ZNF653: variants seen among roughly 807,000 people sequenced by gnomAD.
ZNF653 encodes zinc finger protein 653, also known as 67 kDa zinc finger protein.
A neutral mutation model predicts 59.9 loss-of-function variants in ZNF653; 37 were observed. The ratio of observed to expected loss-of-function variants is 0.62; its 90% CI spans 0.48 to 0.81. The LOEUF is 0.81. ZNF653 is among the 40% of genes least tolerant of loss of function. The probability of loss-of-function intolerance (pLI) is 0.00; values close to 1 mark genes in which losing one functional copy is unlikely to be tolerated. For synonymous variants in ZNF653, 435 were observed against 371.8 expected (o/e 1.17, Z -1.96); for missense variants, 808 against 881.1 (o/e 0.92, Z 1.05).
chr19:11,505,371 C>A, intron 1 of ZNF653, 117 bp downstream of exon 1: 1 of 1,136,370 alleles, frequency 8.8e-7, no homozygotes, highest in Non-Finnish European at 1.2e-6. Flanking sequence ...CGGCCCGGCT[C>A]CTGGGCGGGG....
rs1463222572 is a variant in ZNF653, at chr19:11,505,420, G to A, written c.299+68C>T. The A allele has an allele frequency of 5.2e-6, 7 of 1,344,842 alleles. No homozygotes were observed. The East Asian group carries it at 2.2e-4, about 42-fold the overall frequency. The allele number at this position is 1,344,842 out of a possible 1,614,324, so 83.3% of individuals were successfully genotyped here. ...GGGGCTGGCCCTAGAAGCGGAGGGGGCGGGGTAAAGCCCGGCGGGGTCTGG... is the reference window on the plus strand; with the variant it reads ...GGGGCTGGCCCTAGAAGCGGAGGGGACGGGGTAAAGCCCGGCGGGGTCTGG... On this transcript the variant is annotated intron_variant, in intron 1 of 8. Transcript: ENST00000293771.
rs1971577778 is a variant in ZNF653 at position 11,495,576 on chromosome 19, A to C, written c.559+374T>G. ...GGAGAGCATCACAGCCTATGAAGCCATAAGGCCTGGGTGGTTTAGGCGGCC... is the reference window on the plus strand; with the variant it reads ...GGAGAGCATCACAGCCTATGAAGCCCTAAGGCCTGGGTGGTTTAGGCGGCC... On this transcript the variant is annotated intron_variant, in intron 3 of 8. Coordinates refer to ENST00000293771, the MANE Select transcript of ZNF653 (RefSeq NM_138783.4). The surrounding 1 kb of genome is among the most constrained non-coding windows in gnomAD (Gnocchi z 4.9). 6.6e-6 allele frequency: 2 copies of C among 303,058 alleles called. No homozygotes were observed. Among genetic ancestry groups the C allele is most frequent in the South Asian group, 6.5e-5 (2 of 30,926 alleles). 18.8% of individuals were successfully genotyped at this position (303,058 alleles called of 1,614,324 possible).
Position 11,484,117 on chromosome 19 carries a change from G to T in ZNF653, c.1595C>A (p.Thr532Asn), listed in dbSNP as rs1287720537. Residue 532 changes from threonine (T) to asparagine (N), a missense_variant, in exon 8 of 9, where the codon ACC becomes AAC. Thr to Asn is a moderately conservative substitution (Grantham distance 65). Transcript: ENST00000293771. Reference protein sequence around the residue: ...HSGVREFTCETCGKSFKRKNH... With the variant: ...HSGVREFTCENCGKSFKRKNH... ...CTTCCTCTTGAAGGACTTGCCGCAGGTCTCGCAGGTGAATTCACGGACACC... is the reference window on the plus strand; with the variant it reads ...CTTCCTCTTGAAGGACTTGCCGCAGTTCTCGCAGGTGAATTCACGGACACC... 1 of 1,555,040 alleles carries T rather than the reference G, an allele frequency of 6.4e-7. No homozygotes were observed. The highest frequency in any genetic ancestry group is 8.7e-7 in the Non-Finnish European group (1 of 1,149,054).
chr19:11,483,997 C>T, intron 8 of ZNF653, 45 bp downstream of exon 8: 1 of 1,541,726 alleles, frequency 6.5e-7, no homozygotes, highest in Non-Finnish European at 8.8e-7. Context: ...GCTGGGATCC[C>T]CTCCCACCCA....
At position 11,485,580 on chromosome 19, in the gene ZNF653, G is replaced by A. The variant is rs569264122; in HGVS notation, c.1570+76C>T. The A allele has an allele frequency of 3.1e-5, 39 of 1,246,128 alleles. No homozygotes were observed. The African/African-American group carries it at 4.0e-4, about 13-fold the overall frequency. 77.2% of individuals were successfully genotyped at this position (1,246,128 alleles called of 1,614,324 possible). A position where few individuals can be genotyped will look rare whatever the true frequency, so the allele number is the denominator to read the frequency against. On this transcript the variant is annotated intron_variant, in intron 7 of 8. Transcript: ENST00000293771. The stretch of plus-strand genomic sequence containing the variant: ...GAGACCCAGCACTGGGCTTTGACCC[G>A]CCAGCTCTGGCCCAGGCTCCCAGGC...
chr19:11,500,951 T>C (rs966660561), intron 1 of ZNF653: 7 of 152,536 alleles, frequency 4.6e-5, no homozygotes, highest in Admixed American at 3.3e-4. Context: ...TTCCCTCTCC[T>C]GTCCACTTCT....
In ZNF653 at chr19:11,496,008, G is replaced by C; in HGVS notation, c.501C>G (p.Phe167Leu). The change falls in exon 3 of 9, where the codon TTC becomes TTG. Residue 167 changes from phenylalanine (F) to leucine (L), a missense_variant. By Grantham distance (22) the Phe-to-Leu change is conservative. Transcript: ENST00000293771. ...VWQCEAGHRY[F>L]QDLHSPLKPL... ...GCTTCAGGGGCGAATGCAGGTCCTG[G>C]AAGTAGCGGTGGCCAGCTTCGCACT... The C allele has an allele frequency of 6.2e-7, 1 of 1,614,182 alleles. No individual in the cohort carries two copies. The highest frequency in any genetic ancestry group is 2.2e-5 in the East Asian group (1 of 44,890).
At chr19:11,489,749 C>G (rs1251019487) in intron 3 of ZNF653, among the ~76,000 whole-genome samples, 1 of 152,158 alleles carries the variant, frequency 6.6e-6, no homozygotes, top group Non-Finnish European at 1.5e-5. Flanking sequence ...GATGACTGAC[C>G]CAGCTGACCA....
In ZNF653 at chr19:11,486,752, C is replaced by T. The variant is rs758068139; in HGVS notation, c.1455+17G>A. 12 of 1,586,622 alleles carry T rather than the reference C, an allele frequency of 7.6e-6. No homozygotes were observed. Among genetic ancestry groups the T allele is most frequent in the Non-Finnish European group, 1.0e-5 (12 of 1,166,226 alleles). ...CCTTGTGGGCCTGGCCCAGGCTGCT[C>T]CGGGTGGCGGCCTCACCTGGAAGCT... is the stretch of plus-strand genomic sequence containing the variant. On this transcript the variant is annotated intron_variant, in intron 6 of 8. Coordinates refer to ENST00000293771, the MANE Select transcript of ZNF653 (RefSeq NM_138783.4).
chr19:11,491,999 TC>T (rs1283872722), intron 3 of ZNF653, among the ~76,000 whole-genome samples: 2 of 152,258 alleles, frequency 1.3e-5, no homozygotes, highest in East Asian at 3.9e-4. Flanking sequence ...AGTTCCTTTT[TC>T]CCTCCTTTAT....
chr19:11,504,010 T>G (rs1193222505), intron 1 of ZNF653, among the ~76,000 whole-genome samples: 1 of 151,336 alleles, frequency 6.6e-6, no homozygotes, highest in Non-Finnish European at 1.5e-5. Flanking sequence ...GAGGCGGAGG[T>G]AAGAGGATCA....
intron 3 of ZNF653, among the ~76,000 whole-genome samples, chr19:11,490,429 T>C (rs1208397531): frequency 6.6e-6 from 1 of 152,142 alleles, no homozygotes; most frequent in Non-Finnish European, 1.5e-5. Flanking sequence ...CTCTGTTGTG[T>C]AAGCTGTAGT....
At chr19:11,491,661 C>T (rs894684011) in intron 3 of ZNF653, among the ~76,000 whole-genome samples, 8 of 151,980 alleles carry the variant, frequency 5.3e-5, no homozygotes, top group African/African-American at 1.7e-4. Context: ...GATCTTGGCT[C>T]ACTGCAAGCT....
intron 3 of ZNF653, among the ~76,000 whole-genome samples, chr19:11,491,866 C>T (rs1420870742): frequency 3.3e-5 from 5 of 151,902 alleles, no homozygotes; most frequent in Admixed American, 2.6e-4. Context: ...CGTGAGCCAC[C>T]GCACCCGGCC....
intron 3 of ZNF653, 99 bp from the exon 4 acceptor site, chr19:11,488,002 T>TTTATTTATTTATTTA: frequency 1.1e-6 from 1 of 921,060 alleles, no homozygotes; most frequent in East Asian, 3.8e-5. Context: ...TTATTTATTT[T>TTTATTTATTTATTTA]TTTGAGACAG....
At position 11,485,818 on chromosome 19, in the gene ZNF653, GC is replaced by G. The variant is rs773418896; in HGVS notation, c.1456-49del. ...TGGGTCCCATAGGCCCACAGAAGGG[GC>G]TCTGGGAGGTGGGGAGAGATGAGGG... On this transcript the variant is annotated intron_variant, in intron 6 of 8. Coordinates refer to ENST00000293771, the MANE Select transcript of ZNF653 (RefSeq NM_138783.4). The G allele has an allele frequency of 1.1e-4, 158 of 1,462,278 alleles. 2 individuals carry two copies. The South Asian group carries it at 1.8e-3, about 17-fold the overall frequency. The allele number at this position is 1,462,278 out of a possible 1,614,324, so 90.6% of individuals were successfully genotyped here.
chr19:11,502,638 C>G (rs971328667), intron 1 of ZNF653, among the ~76,000 whole-genome samples: 24 of 151,996 alleles, frequency 1.6e-4, no homozygotes, highest in African/African-American at 5.8e-4. Flanking sequence ...CAAGACCAGC[C>G]TGGGCAATAT....
At chr19:11,489,909 C>T (rs1971512644) in intron 3 of ZNF653, among the ~76,000 whole-genome samples, 1 of 152,230 alleles carries the variant, frequency 6.6e-6, no homozygotes, top group Non-Finnish European at 1.5e-5. Flanking sequence ...TCACCTTACC[C>T]CCAGGCTTGC....
At chr19:11,485,226 A>C (rs1320720912) in intron 7 of ZNF653, among the ~76,000 whole-genome samples, 1 of 151,946 alleles carries the variant, frequency 6.6e-6, no homozygotes, top group Non-Finnish European at 1.5e-5. Context: ...CACAAGTGGA[A>C]ACAGAAGCCC....
Sources: gnomAD v4.1 joint callset for allele counts (sites outside exome capture counted in the v4.1 genomes callset) on GRCh38, gnomAD v4.1.1 for gene constraint, Gnocchi (gnomAD v3.1) non-coding constraint, MANE v1.5 for transcripts, NCBI Gene and HGNC (gene_info 2026-07-23, HGNC 2026-07-21) for gene names.